Variants in HPSE2 observed in about 807,000 individuals in gnomAD.
HPSE2 encodes heparanase 2 (inactive), also known as inactive heparanase-2.
Under a neutral mutation model 60.5 loss-of-function variants are expected in HPSE2, and 38 were observed. The ratio of observed to expected loss-of-function variants is 0.63; its 90% CI spans 0.48 to 0.82. HPSE2 has a LOEUF of 0.82. Ranked by LOEUF, HPSE2 falls within the 40% of genes least tolerant of loss-of-function variation. The pLI is 0.00. For missense variants in HPSE2, 713 were observed against 740.4 expected (o/e 0.96, Z 0.43); for synonymous variants, 295 against 293.2 (o/e 1.01, Z -0.06).
intron 8 of HPSE2, among the ~76,000 whole-genome samples, chr10:98,616,814 T>C (rs1440887022): frequency 6.6e-6 from 1 of 152,184 alleles, no homozygotes; most frequent in Non-Finnish European, 1.5e-5. Flanking sequence ...GAACATGACA[T>C]GGCTAAGCAA....
chr10:98,514,188 T>C (rs890185007), intron 9 of HPSE2, among the ~76,000 whole-genome samples: 13 of 152,216 alleles, frequency 8.5e-5, no homozygotes, highest in Non-Finnish European at 1.8e-4. Context: ...AGGACAAATG[T>C]TGTATGATTC....
At chr10:99,074,448 T>C (rs1412202314) in intron 3 of HPSE2, among the ~76,000 whole-genome samples, 1 of 152,176 alleles carries the variant, frequency 6.6e-6, no homozygotes, top group Admixed American at 6.5e-5. Flanking sequence ...GCTCTTTCAT[T>C]CAGTTTGCTA....
chr10:98,537,159 C>T (rs541508781), intron 9 of HPSE2, among the ~76,000 whole-genome samples: 1 of 152,188 alleles, frequency 6.6e-6, no homozygotes, highest in East Asian at 1.9e-4. Context: ...GACAGTGATG[C>T]CATTTGTTTA....
intron 3 of HPSE2, among the ~76,000 whole-genome samples, chr10:98,993,993 G>T (rs1382892930): frequency 1.3e-5 from 2 of 152,134 alleles, no homozygotes; most frequent in Non-Finnish European, 2.9e-5. Flanking sequence ...ATAGCTCTTG[G>T]TTTCCATGTT....
chr10:98,578,726 C>T (rs1443502118), intron 9 of HPSE2, among the ~76,000 whole-genome samples: 1 of 151,958 alleles, frequency 6.6e-6, no homozygotes, highest in East Asian at 1.9e-4. Context: ...CTTTAGATAC[C>T]CCCTACAACT....
intron 2 of HPSE2, among the ~76,000 whole-genome samples, chr10:99,225,776 A>G (rs1157413502): frequency 6.6e-6 from 1 of 151,978 alleles, no homozygotes; most frequent in African/African-American, 2.4e-5. Flanking sequence ...TCTATGGCCA[A>G]TTCCATTTTA....
At chr10:98,589,728 C>T (rs559451211) in intron 9 of HPSE2, among the ~76,000 whole-genome samples, 30 of 152,192 alleles carry the variant, frequency 2.0e-4, no homozygotes, top group Non-Finnish European at 3.7e-4. Context: ...CCAGACTGCT[C>T]TCCCTAAAAG....
intron 3 of HPSE2, among the ~76,000 whole-genome samples, chr10:98,814,729 T>G (rs1371601872): frequency 6.6e-6 from 1 of 152,234 alleles, no homozygotes; most frequent in East Asian, 1.9e-4. Flanking sequence ...CAGCAGAGTT[T>G]TATTAATTTA....
intron 9 of HPSE2, among the ~76,000 whole-genome samples, chr10:98,566,807 T>C (rs1035509005): frequency 6.6e-6 from 1 of 152,164 alleles, no homozygotes; most frequent in Non-Finnish European, 1.5e-5. Context: ...GAGGCTCTCC[T>C]ATGGAAGGGG....
At chr10:98,883,731 G>C (rs1289464158) in intron 3 of HPSE2, among the ~76,000 whole-genome samples, 1 of 152,094 alleles carries the variant, frequency 6.6e-6, no homozygotes, top group Non-Finnish European at 1.5e-5. Flanking sequence ...TTGAGCCTAG[G>C]AGTTCAAGCC....
chr10:98,689,508 C>T (rs1199811552), intron 6 of HPSE2, among the ~76,000 whole-genome samples: 1 of 152,110 alleles, frequency 6.6e-6, no homozygotes, highest in Non-Finnish European at 1.5e-5. Context: ...GATATTTTCC[C>T]CATAACTCTA....
intron 3 of HPSE2, among the ~76,000 whole-genome samples, chr10:99,135,044 A>C (rs1845590605): frequency 6.6e-6 from 1 of 150,776 alleles, no homozygotes; most frequent in Non-Finnish European, 1.5e-5. Context: ...AATGGAAAGC[A>C]AAAAAAAACA....
rs1951841301 is a variant in HPSE2, at chr10:98,838,473, T to C, written c.611-94417A>G. Among the ~76,000 whole-genome samples the C allele has an allele frequency of 5.3e-5, 8 of 152,156 alleles. No homozygotes were observed. The South Asian group carries it at 1.7e-3, about 32-fold the overall frequency. On this transcript the variant is annotated intron_variant, in intron 3 of 11. Transcript: ENST00000370552. Reference sequence around the variant, plus strand: ...CAGGCCTGATTCATTTTTTTTTTTTTTAGATGGGGTCTCATCATATTGCCC... The same window carrying C: ...CAGGCCTGATTCATTTTTTTTTTTTCTAGATGGGGTCTCATCATATTGCCC...
intron 3 of HPSE2, among the ~76,000 whole-genome samples, chr10:98,973,858 A>AG (rs199991411): frequency 1.6e-3 from 240 of 149,890 alleles, no homozygotes; most frequent in Middle Eastern, 0.01. Context: ...AAGGAAAAAA[A>AG]GGGGGGGGGA....
chr10:98,789,653 G>A (rs577355653), intron 3 of HPSE2, among the ~76,000 whole-genome samples: 2 of 152,274 alleles, frequency 1.3e-5, no homozygotes, highest in African/African-American at 4.8e-5. Flanking sequence ...ACTCTCTGCA[G>A]ATAAGGCAGA....
intron 9 of HPSE2, among the ~76,000 whole-genome samples, chr10:98,597,207 T>C (rs1331983807): frequency 1.3e-5 from 2 of 152,108 alleles, no homozygotes; most frequent in East Asian, 3.9e-4. Context: ...CAAGATGAGA[T>C]TTGGGTGGGG....
At chr10:99,167,768 C>T (rs911288128) in intron 2 of HPSE2, among the ~76,000 whole-genome samples, 8 of 152,002 alleles carry the variant, frequency 5.3e-5, no homozygotes, top group Non-Finnish European at 8.8e-5. Context: ...CACAAACACA[C>T]GTATACAGAA....
chr10:98,613,040 T>G (rs1175466382), intron 9 of HPSE2, among the ~76,000 whole-genome samples: 2 of 152,166 alleles, frequency 1.3e-5, no homozygotes, highest in African/African-American at 2.4e-5. Flanking sequence ...AAAGTTCTTT[T>G]GTGAAATCTG....
At chr10:98,558,981 T>C (rs964704483) in intron 9 of HPSE2, among the ~76,000 whole-genome samples, 1 of 152,158 alleles carries the variant, frequency 6.6e-6, no homozygotes, top group Non-Finnish European at 1.5e-5. Context: ...GTCTAGCCTT[T>C]CTAGGCATCT....
Sources: allele counts gnomAD v4.1 joint callset (sites outside exome capture counted in the v4.1 genomes callset), GRCh38; gene constraint gnomAD v4.1.1; transcripts MANE v1.5; gene names NCBI Gene and HGNC (gene_info 2026-07-23, HGNC 2026-07-21).